Variants in PTPRG observed in about 807,000 individuals in gnomAD.
PTPRG encodes protein tyrosine phosphatase receptor type G, also known as receptor-type tyrosine-protein phosphatase gamma.
A neutral mutation model predicts 165.3 loss-of-function variants in PTPRG; 102 were observed. The observed-to-expected ratio is 0.62, with a 90% CI of 0.53 to 0.73. The LOEUF is 0.73. Among genes scored for constraint, PTPRG ranks in the 30% least tolerant of loss-of-function variants. The pLI, the probability that PTPRG is intolerant of heterozygous loss-of-function variation, is 0.00. For missense variants in PTPRG, 1,866 were observed against 1,861.4 expected, an observed-to-expected ratio of 1.00 and a Z score of -0.05; for synonymous variants, 675 against 669.5, an observed-to-expected ratio of 1.01 and a Z score of -0.13.
intron 5 of PTPRG, among the ~76,000 whole-genome samples, chr3:62,097,960 TAAC>T (rs1409880175): frequency 6.6e-6 from 1 of 152,244 alleles, no homozygotes; most frequent in Admixed American, 6.5e-5. Context: ...GTTAGACTAA[TAAC>T]TACTACCATC....
intron 2 of PTPRG, among the ~76,000 whole-genome samples, chr3:61,979,120 A>G (rs1056168588): frequency 6.6e-6 from 1 of 152,244 alleles, no homozygotes; most frequent in Non-Finnish European, 1.5e-5. Flanking sequence ...GATGTTAGTC[A>G]TTTGATAGCA....
intron 1 of PTPRG, among the ~76,000 whole-genome samples, chr3:61,733,995 C>A (rs1052693514): frequency 6.6e-6 from 1 of 152,056 alleles, no homozygotes; most frequent in African/African-American, 2.4e-5. Context: ...ATGGGTCTAT[C>A]ATGTTTCCCA....
intron 4 of PTPRG, among the ~76,000 whole-genome samples, chr3:62,035,627 A>T (rs995380): frequency 0.096 from 14,637 of 152,228 alleles, 940 homozygotes; most frequent in South Asian, 0.2. Flanking sequence ...ACTGACATTC[A>T]TAGACTTATA....
intron 11 of PTPRG, 86 bp downstream of exon 11, chr3:62,201,640 A>C: frequency 2.2e-6 from 3 of 1,380,182 alleles, no homozygotes; most frequent in Non-Finnish European, 3.1e-6. Context: ...TGGCAGTATA[A>C]TGTTGTTAAA....
intron 2 of PTPRG, among the ~76,000 whole-genome samples, chr3:61,773,826 G>A (rs2034286083): frequency 6.6e-6 from 1 of 151,690 alleles, no homozygotes; most frequent in Non-Finnish European, 1.5e-5. Flanking sequence ...CCAGGCTGGA[G>A]TACAGTGGTG....
intron 2 of PTPRG, among the ~76,000 whole-genome samples, chr3:61,797,225 TCA>T (rs2107153007): frequency 6.6e-6 from 1 of 152,340 alleles, no homozygotes; most frequent in East Asian, 1.9e-4. Context: ...TTAACAGATC[TCA>T]CTGATGCAGA....
At chr3:62,238,831 A>C (rs1465307278) in intron 14 of PTPRG, among the ~76,000 whole-genome samples, 1 of 152,198 alleles carries the variant, frequency 6.6e-6, no homozygotes, top group African/African-American at 2.4e-5. Context: ...TCCAAAATTA[A>C]GGCATACCTA....
chr3:62,064,477 A>G (rs7610872), intron 4 of PTPRG, among the ~76,000 whole-genome samples: 62,908 of 144,884 alleles, frequency 0.43, 13,370 homozygotes, highest in Middle Eastern at 0.55. Flanking sequence ...TCAGTCTCCC[A>G]AATTAGTGCC....
chr3:61,791,853 C>T (rs761620539), intron 2 of PTPRG, among the ~76,000 whole-genome samples: 21 of 152,264 alleles, frequency 1.4e-4, no homozygotes, highest in Admixed American at 2.0e-4. Context: ...TGTGCTAGTT[C>T]GGATGTTGTT....
intron 1 of PTPRG, among the ~76,000 whole-genome samples, chr3:61,621,034 T>C (rs913597107): frequency 3.2e-5 from 3 of 94,868 alleles, no homozygotes; most frequent in Non-Finnish European, 7.3e-5. Context: ...TGTGTGTGTG[T>C]ATATATATAT....
chr3:61,644,618 G>A (rs1010730584), intron 1 of PTPRG, among the ~76,000 whole-genome samples: 1 of 152,104 alleles, frequency 6.6e-6, no homozygotes, highest in Non-Finnish European at 1.5e-5. Context: ...ATCTCTATCC[G>A]AAATAGGACT....
chr3:62,234,944 C>A (rs537513495), intron 14 of PTPRG, among the ~76,000 whole-genome samples: 21 of 150,956 alleles, frequency 1.4e-4, no homozygotes, highest in Non-Finnish European at 2.7e-4. Flanking sequence ...CTTCCCCCCC[C>A]CGAGATGGTC....
intron 2 of PTPRG, among the ~76,000 whole-genome samples, chr3:61,839,066 A>G (rs2036548602): frequency 6.6e-6 from 1 of 152,222 alleles, no homozygotes; most frequent in South Asian, 2.1e-4. Context: ...CTACCAGAAA[A>G]ATTTTAATAT....
At chr3:61,930,615 G>T (rs2039334472) in intron 2 of PTPRG, among the ~76,000 whole-genome samples, 1 of 152,224 alleles carries the variant, frequency 6.6e-6, no homozygotes, top group Admixed American at 6.5e-5. Context: ...GAAAGCCCAA[G>T]AACTTAAAGC....
chr3:61,731,537 C>T (rs2032501398), intron 1 of PTPRG, among the ~76,000 whole-genome samples: 1 of 152,010 alleles, frequency 6.6e-6, no homozygotes, highest in South Asian at 2.1e-4. Flanking sequence ...TTAGTAGAGA[C>T]AGGGTTTCAC....
rs72888655 is a variant in PTPRG, at chr3:61,571,949, C to T, written c.85+9577C>T. On this transcript the variant is annotated intron_variant, in intron 1 of 29. Transcript: ENST00000474889. ...TCAATTTCTTTCGGGTTGTTTGCCTCACCCTTCACTAAATGGCTTCTAAAA... is the reference window on the plus strand; with the variant it reads ...TCAATTTCTTTCGGGTTGTTTGCCTTACCCTTCACTAAATGGCTTCTAAAA... Among the ~76,000 whole-genome samples the T allele has an allele frequency of 5.9e-3, 899 of 152,300 alleles. 8 individuals carry two copies. The highest frequency in any genetic ancestry group is 0.021 in the African/African-American group (870 of 41,564).
intron 2 of PTPRG, among the ~76,000 whole-genome samples, chr3:61,906,371 A>G (rs572533915): frequency 6.6e-6 from 1 of 151,972 alleles, no homozygotes; most frequent in Non-Finnish European, 1.5e-5. Context: ...CAGGAGAATC[A>G]TGTGAACTGC....
chr3:61,800,958 G>A (rs145306281), intron 2 of PTPRG, among the ~76,000 whole-genome samples: 17 of 152,226 alleles, frequency 1.1e-4, no homozygotes, highest in African/African-American at 4.1e-4. Context: ...ACTCTGCACA[G>A]TACCTTTAAG....
chr3:61,630,639 G>C (rs939319040), intron 1 of PTPRG, among the ~76,000 whole-genome samples: 1 of 152,162 alleles, frequency 6.6e-6, no homozygotes, highest in African/African-American at 2.4e-5. Flanking sequence ...CAATGTGTTT[G>C]TGGTTTAGCA....
Sources: gnomAD v4.1 joint callset for allele counts (sites outside exome capture counted in the v4.1 genomes callset) on GRCh38, gnomAD v4.1.1 for gene constraint, MANE v1.5 for transcripts, NCBI Gene and HGNC (gene_info 2026-07-23, HGNC 2026-07-21) for gene names.